Variants in CPED1 observed in about 807,000 individuals in gnomAD.
The protein encoded by CPED1 is cadherin-like and PC-esterase domain-containing protein 1.
A neutral mutation model predicts 128.2 loss-of-function variants in CPED1; 114 were observed. The observed-to-expected ratio is 0.89, with a 90% CI of 0.76 to 1.04. CPED1 has a LOEUF of 1.04. Among genes scored for constraint, CPED1 ranks in the 50% least tolerant of loss-of-function variants. The probability of loss-of-function intolerance (pLI) is 0.00; values close to 1 mark genes in which losing one functional copy is unlikely to be tolerated. For synonymous variants in CPED1, 462 were observed against 426.7 expected, an observed-to-expected ratio of 1.08 and a Z score of -1.02; for missense variants, 1,211 against 1,207.1, an observed-to-expected ratio of 1.00 and a Z score of -0.05.
At chr7:121,196,613 G>A (rs1274096475) in intron 16 of CPED1, among the ~76,000 whole-genome samples, 1 of 152,066 alleles carries the variant, frequency 6.6e-6, no homozygotes, top group African/African-American at 2.4e-5. Flanking sequence ...ATAGGAGTCT[G>A]GGGACATGTA....
intron 3 of CPED1, among the ~76,000 whole-genome samples, chr7:121,031,346 C>T (rs1418567101): frequency 6.6e-6 from 1 of 152,034 alleles, no homozygotes; most frequent in Non-Finnish European, 1.5e-5. Flanking sequence ...GAGTCTTGCT[C>T]TGTTGCCCAG....
At chr7:121,205,903 A>C (rs1283887042) in intron 16 of CPED1, among the ~76,000 whole-genome samples, 1 of 152,062 alleles carries the variant, frequency 6.6e-6, no homozygotes, top group Non-Finnish European at 1.5e-5. Flanking sequence ...GGATGATAAA[A>C]GCTGATTTTG....
At chr7:121,289,919 C>A (rs1792658021) in intron 22 of CPED1, among the ~76,000 whole-genome samples, 1 of 152,110 alleles carries the variant, frequency 6.6e-6, no homozygotes, top group Admixed American at 6.6e-5. Context: ...AACCCATCAT[C>A]TACAGTAGGT....
At chr7:121,243,812 T>C (rs1324285234) in intron 17 of CPED1, among the ~76,000 whole-genome samples, 1 of 152,250 alleles carries the variant, frequency 6.6e-6, no homozygotes, top group Non-Finnish European at 1.5e-5. Flanking sequence ...AGAGAACCTA[T>C]GCATGTGTTA....
In CPED1 at chr7:121,099,976, A is replaced by G. The variant is rs773441913; in HGVS notation, c.800A>G (p.Asp267Gly). ...APHETIFRAE[D>G]LSVILKAYVL... ...CATGAAACAATCTTTCGAGCCGAAG[A>G]TCTATCTGTGATTCTTAAAGCGTAT... Residue 267 changes from aspartate to glycine, a missense_variant, in exon 7 of 23, where the codon GAT (aspartate) becomes GGT (glycine). Asp to Gly is a moderately conservative substitution (Grantham distance 94, BLOSUM62 -1). Transcript: ENST00000310396. 13 of 1,613,620 alleles carry G rather than the reference A, an allele frequency of 8.1e-6. No individual in the cohort carries two copies. The highest frequency in any genetic ancestry group is 1.0e-5 in the Non-Finnish European group (12 of 1,179,836).
intron 3 of CPED1, among the ~76,000 whole-genome samples, chr7:121,031,628 T>C (rs1792736013): frequency 6.6e-6 from 1 of 152,204 alleles, no homozygotes; most frequent in Admixed American, 6.5e-5. Flanking sequence ...GTTTCTGTTT[T>C]TGCTTCCACC....
intron 16 of CPED1, among the ~76,000 whole-genome samples, chr7:121,189,880 G>A (rs1797097013): frequency 1.4e-5 from 2 of 146,392 alleles, no homozygotes; most frequent in African/African-American, 2.5e-5. Flanking sequence ...TTATTCATTT[G>A]ACAGATATAA....
chr7:121,276,037 G>A (rs981685023), intron 22 of CPED1, among the ~76,000 whole-genome samples: 3 of 151,632 alleles, frequency 2.0e-5, no homozygotes, highest in Non-Finnish European at 4.4e-5. Context: ...TTAACTTTCA[G>A]CATGGCTATT....
At chr7:121,197,243 CT>C (rs1451299383) in intron 16 of CPED1, among the ~76,000 whole-genome samples, 1 of 150,272 alleles carries the variant, frequency 6.7e-6, no homozygotes, top group Non-Finnish European at 1.5e-5. Flanking sequence ...AAATGTATTA[CT>C]TTATGCTCAT....
intron 7 of CPED1, among the ~76,000 whole-genome samples, chr7:121,117,077 T>TTTTTTATA (rs377516668): frequency 1.6e-5 from 2 of 128,804 alleles, no homozygotes; most frequent in South Asian, 4.8e-4. Flanking sequence ...TATATACACA[T>TTTTTTATA]TATATATATA....
chr7:121,034,531 C>T (rs1367367819), intron 3 of CPED1, among the ~76,000 whole-genome samples: 2 of 152,094 alleles, frequency 1.3e-5, no homozygotes, highest in African/African-American at 4.8e-5. Context: ...CAGGTGTGAG[C>T]CACTGCGCCT....
chr7:121,210,237 G>C (rs1461922599), intron 16 of CPED1, among the ~76,000 whole-genome samples: 1 of 152,010 alleles, frequency 6.6e-6, no homozygotes, highest in Admixed American at 6.6e-5. Context: ...AATCACTATA[G>C]AGAACAGTAT....
intron 16 of CPED1, among the ~76,000 whole-genome samples, chr7:121,147,595 A>T (rs1431587623): frequency 6.6e-6 from 1 of 152,112 alleles, no homozygotes; most frequent in Non-Finnish European, 1.5e-5. Context: ...GACATGGGGA[A>T]CAATATAATA....
intron 14 of CPED1, among the ~76,000 whole-genome samples, chr7:121,138,842 C>T (rs922999826): frequency 5.3e-5 from 8 of 151,934 alleles, no homozygotes; most frequent in Non-Finnish European, 1.2e-4. Context: ...CATAACTCAA[C>T]TCCAGCTTGT....
intron 16 of CPED1, among the ~76,000 whole-genome samples, chr7:121,160,937 A>G (rs551936990): frequency 1.2e-4 from 19 of 152,202 alleles, no homozygotes; most frequent in Admixed American, 5.9e-4. Flanking sequence ...CAATGAGACA[A>G]TGATCGAGGT....
At chr7:121,035,780 C>T (rs1304398258) in intron 3 of CPED1, among the ~76,000 whole-genome samples, 2 of 152,084 alleles carry the variant, frequency 1.3e-5, no homozygotes, top group Admixed American at 1.3e-4. Context: ...CTGCAGTGAG[C>T]TGTGATCGCA....
chr7:121,267,980 T>C (rs1029155270), intron 21 of CPED1, among the ~76,000 whole-genome samples: 12 of 152,062 alleles, frequency 7.9e-5, no homozygotes, highest in Non-Finnish European at 1.6e-4. Flanking sequence ...TTCTCAAAAA[T>C]GTATCTGCCT....
intron 3 of CPED1, among the ~76,000 whole-genome samples, chr7:121,032,880 CA>C (rs1418627655): frequency 1.1e-4 from 17 of 152,212 alleles, no homozygotes; most frequent in Admixed American, 7.2e-4. Flanking sequence ...CTGCTGGGAA[CA>C]GGGCCAATTT....
intron 7 of CPED1, among the ~76,000 whole-genome samples, chr7:121,118,122 C>G (rs1015372381): frequency 4.6e-5 from 7 of 152,116 alleles, no homozygotes; most frequent in African/African-American, 1.7e-4. Context: ...AGCCATGTTG[C>G]TATAACTAAA....
Sources: gnomAD v4.1 joint callset for allele counts (sites outside exome capture counted in the v4.1 genomes callset) on GRCh38, gnomAD v4.1.1 for gene constraint, MANE v1.5 for transcripts, NCBI Gene and HGNC (gene_info 2026-07-23, HGNC 2026-07-21) for gene names.